UBE2K: variants seen among roughly 807,000 people sequenced by gnomAD.
UBE2K encodes ubiquitin-conjugating enzyme E2 K.
Under a neutral mutation model 30.0 loss-of-function variants are expected in UBE2K, and 6 were observed. The observed-to-expected ratio is 0.20, with a 90% confidence interval of 0.11 to 0.39. The LOEUF (loss-of-function observed/expected upper bound fraction) is 0.39. Ranked by LOEUF, UBE2K falls within the 10% of genes least tolerant of loss-of-function variation. The pLI is 1.00. For synonymous variants in UBE2K, 86 were observed against 83.7 expected (o/e 1.03, Z -0.15); for missense variants, 61 against 241.6 (o/e 0.25, Z 4.96).
chr4:39,745,363 T>G (rs908851878), intron 2 of UBE2K, among the ~76,000 whole-genome samples: 1 of 152,192 alleles, frequency 6.6e-6, no homozygotes, highest in Non-Finnish European at 1.5e-5. Flanking sequence ...CCTCCTTGCC[T>G]TCTTTTTTTT....
intron 4 of UBE2K, among the ~76,000 whole-genome samples, chr4:39,771,922 C>T (rs966348916): frequency 6.6e-6 from 1 of 152,172 alleles, no homozygotes; most frequent in Non-Finnish European, 1.5e-5. Flanking sequence ...CTCACTATAA[C>T]CTTCGCCTCC....
chr4:39,724,448 A>G (rs979461266), intron 1 of UBE2K, among the ~76,000 whole-genome samples: 3 of 151,638 alleles, frequency 2.0e-5, no homozygotes, highest in Non-Finnish European at 4.4e-5. Flanking sequence ...GTAATTTTTT[A>G]TTGAAAGCTG....
intron 1 of UBE2K, among the ~76,000 whole-genome samples, chr4:39,728,762 C>G (rs896405916): frequency 6.6e-6 from 1 of 151,734 alleles, no homozygotes; most frequent in East Asian, 1.9e-4. Context: ...CCTCAGCCTC[C>G]GGAGTAGCTG....
chr4:39,754,144 G>T (rs889427205), intron 3 of UBE2K, among the ~76,000 whole-genome samples: 1 of 152,116 alleles, frequency 6.6e-6, no homozygotes, highest in Non-Finnish European at 1.5e-5. Context: ...CTTTAGTTTT[G>T]GTGCGGAAAA....
At chr4:39,770,135 G>T in intron 4 of UBE2K, 1 of 1,597,304 alleles carries the variant, frequency 6.3e-7, no homozygotes. Flanking sequence ...CGTTCTCGGC[G>T]GTGGTCTTGC....
intron 4 of UBE2K, chr4:39,771,508 C>G: frequency 7.0e-7 from 1 of 1,434,326 alleles, no homozygotes; most frequent in Non-Finnish European, 9.2e-7. Context: ...TTCCCCACCC[C>G]CGCGGGGCCG....
intron 3 of UBE2K, among the ~76,000 whole-genome samples, chr4:39,753,351 G>T (rs1162471342): frequency 6.7e-6 from 1 of 148,992 alleles, no homozygotes; most frequent in Non-Finnish European, 1.5e-5. Context: ...CCTTCTCTGG[G>T]GGGGAAAAAA....
chr4:39,729,138 T>C (rs1719933842), intron 1 of UBE2K, among the ~76,000 whole-genome samples: 1 of 152,056 alleles, frequency 6.6e-6, no homozygotes, highest in African/African-American at 2.4e-5. Flanking sequence ...CCCCAGCTAA[T>C]TTTTGTATTT....
At position 39,698,153 on chromosome 4, in the gene UBE2K, G is replaced by C. The variant is rs1288213974; in HGVS notation, c.-175G>C. The stretch of plus-strand genomic sequence containing the variant: ...GACCCGGCGCCATTTTGGTGGCCGG[G>C]CGCGGAGGTGATTCCACACTGAGGC... On this transcript the variant is annotated 5_prime_UTR_variant, in exon 1 of 7. Transcript: ENST00000261427. The C allele has an allele frequency of 1.2e-5, 8 of 671,188 alleles. No individual in the cohort carries two copies. Among genetic ancestry groups the C allele is most frequent in the Non-Finnish European group, 1.9e-5 (7 of 372,940 alleles). 41.6% of individuals were successfully genotyped at this position (671,188 alleles called of 1,614,324 possible).
At chr4:39,710,296 T>C (rs148757028) in intron 1 of UBE2K, 67 of 151,618 alleles carry the variant, frequency 4.4e-4, no homozygotes, top group African/African-American at 1.6e-3. Flanking sequence ...AGACACAAGG[T>C]CTTGCTCTGT....
chr4:39,780,332 G>A lies in UBE2K; in HGVS notation c.*1898G>A, dbSNP rs781488035. The A allele has an allele frequency of 1.3e-5, 2 of 152,082 alleles. No homozygotes were observed. The highest frequency in any genetic ancestry group is 2.9e-5 in the Non-Finnish European group (2 of 67,992). The allele number at this position is 152,082 out of a possible 1,614,324, so 9.4% of individuals were successfully genotyped here. On this transcript the variant is annotated 3_prime_UTR_variant, in exon 7 of 7. Coordinates refer to ENST00000261427, the MANE Select transcript of UBE2K (RefSeq NM_005339.5). ...CTTTTTTTAAGTGGAGGGCAACTTG[G>A]TAGTATTAGTAGAATTTGGGTTTAA...
At position 39,781,505 on chromosome 4, in the gene UBE2K, A is replaced by G. The variant is rs1418988256; in HGVS notation, c.*3071A>G. 6.4e-6 allele frequency: 1 copy of G among 156,288 alleles called. No homozygotes were observed. 9.7% of individuals were successfully genotyped at this position (156,288 alleles called of 1,614,324 possible). A position where few individuals can be genotyped will look rare whatever the true frequency, so the allele number is the denominator to read the frequency against. On this transcript the variant is annotated 3_prime_UTR_variant, in exon 7 of 7. Transcript: ENST00000261427. Reference sequence around the variant, plus strand: ...TTGAGGCTGCTTAATAAGTTTACCAATGTGAAAAGCAGATCTTGGGTATAA... The same window carrying G: ...TTGAGGCTGCTTAATAAGTTTACCAGTGTGAAAAGCAGATCTTGGGTATAA...
At position 39,777,735 on chromosome 4, in the gene UBE2K, G is replaced by A. The variant is rs753524043; in HGVS notation, c.453G>A (p.Val151=). The stretch of plus-strand genomic sequence containing the variant: ...AGACAGCTCGACTTTGGGCACATGT[G>A]TATGCTGGAGCACCAGTTTCTAGTC... The part of the protein sequence containing the change: ...FKQTARLWAH[V]YAGAPVSSPE... Residue 151 remains valine, a synonymous_variant, in exon 6 of 7, where the codon GTG becomes GTA. Transcript: ENST00000261427. The A allele has an allele frequency of 1.0e-5, 16 of 1,570,868 alleles. No individual in the cohort carries two copies. The highest frequency in any genetic ancestry group is 1.3e-5 in the Non-Finnish European group (15 of 1,166,106).
chr4:39,766,338 G>T (rs1282491693), intron 4 of UBE2K, among the ~76,000 whole-genome samples: 1 of 152,086 alleles, frequency 6.6e-6, no homozygotes, highest in Admixed American at 6.6e-5. Context: ...TGGATATGAA[G>T]TGATAGGTCA....
At chr4:39,730,855 G>A (rs1255769653) in intron 1 of UBE2K, among the ~76,000 whole-genome samples, 15 of 139,720 alleles carry the variant, frequency 1.1e-4, no homozygotes, top group South Asian at 2.3e-4. Context: ...TCTGTTGTCC[G>A]GTGGAGTGCA....
chr4:39,705,488 C>T (rs1309712596), intron 1 of UBE2K, among the ~76,000 whole-genome samples: 2 of 151,956 alleles, frequency 1.3e-5, no homozygotes, highest in African/African-American at 2.4e-5. Flanking sequence ...CGTGAGCCAC[C>T]GTGCCCAGCC....
At chr4:39,700,683 C>G (rs1717958811) in intron 1 of UBE2K, among the ~76,000 whole-genome samples, 1 of 152,064 alleles carries the variant, frequency 6.6e-6, no homozygotes, top group African/African-American at 2.4e-5. Context: ...CATCATGTCA[C>G]TTTTTTGGTA....
intron 4 of UBE2K, among the ~76,000 whole-genome samples, chr4:39,760,195 GAA>G (rs71194914): frequency 0.021 from 2,136 of 102,612 alleles, 26 homozygotes; most frequent in Middle Eastern, 0.037. Flanking sequence ...AAAAAAAACA[GAA>G]AAAAAAAAAA....
In UBE2K at chr4:39,779,549, C is replaced by A. The variant is rs1271748365; in HGVS notation, c.*1115C>A. ...GAATAGAAGTGTGTTATAAATCTAG[C>A]TTTCTTTATGATGTTTCTGATAATA... is the stretch of plus-strand genomic sequence containing the variant. On this transcript the variant is annotated 3_prime_UTR_variant, in exon 7 of 7. Transcript: ENST00000261427. The A allele has an allele frequency of 6.6e-6, 1 of 152,580 alleles. No homozygotes were observed. Among genetic ancestry groups the A allele is most frequent in the Non-Finnish European group, 1.5e-5 (1 of 68,028 alleles). The allele number at this position is 152,580 out of a possible 1,614,324, so 9.5% of individuals were successfully genotyped here. A position where few individuals can be genotyped will look rare whatever the true frequency, so the allele number is the denominator to read the frequency against.
Sources: gnomAD v4.1 joint callset for allele counts (sites outside exome capture counted in the v4.1 genomes callset) on GRCh38, gnomAD v4.1.1 for gene constraint, MANE v1.5 for transcripts, NCBI Gene and HGNC (gene_info 2026-07-23, HGNC 2026-07-21) for gene names.